The following TTC13 variants were observed in gnomAD, a reference collection of about 807,000 sequenced individuals.
TTC13 encodes the protein tetratricopeptide repeat domain 13, also known as tetratricopeptide repeat protein 13.
Under a neutral mutation model 120.0 loss-of-function variants are expected in TTC13, and 62 were observed. The observed-to-expected ratio is 0.52, with a 90% CI of 0.42 to 0.64. TTC13 has a LOEUF of 0.64. TTC13 is among the 30% of genes least tolerant of loss of function. The pLI, the probability that TTC13 is intolerant of heterozygous loss-of-function variation, is 0.00. For missense variants in TTC13, 824 were observed against 1,050.2 expected (o/e 0.78, Z 2.98); for synonymous variants, 384 against 393.5 (o/e 0.98, Z 0.28).
chr1:230,968,037 A>C (rs1170003886), intron 1 of TTC13, among the ~76,000 whole-genome samples: 1 of 152,178 alleles, frequency 6.6e-6, no homozygotes, highest in East Asian at 1.9e-4. Flanking sequence ...TTGCCTCTTA[A>C]GTTCTCATGG....
Position 230,958,442 on chromosome 1 carries a change from T to A in TTC13, c.367-143A>T, listed in dbSNP as rs1049801600. On this transcript the variant is annotated intron_variant, in intron 2 of 22. Coordinates refer to ENST00000366661, the MANE Select transcript of TTC13 (RefSeq NM_024525.5). ...CAAGAAAATGCCACTATTGTGGGAATGTTTTACACTTTATGGCTTTCAGTA... is the reference window on the plus strand; with the variant it reads ...CAAGAAAATGCCACTATTGTGGGAAAGTTTTACACTTTATGGCTTTCAGTA... 8.6e-6 allele frequency: 8 copies of A among 934,666 alleles called. 1 individual carries two copies. The African/African-American group carries it at 1.0e-4, about 12-fold the overall frequency. 57.9% of individuals were successfully genotyped at this position (934,666 alleles called of 1,614,324 possible).
At chr1:230,961,437 A>G (rs1311701266) in intron 1 of TTC13, 134 bp from the exon 2 acceptor site, 5 of 635,782 alleles carry the variant, frequency 7.9e-6, no homozygotes, top group Non-Finnish European at 1.1e-5. Flanking sequence ...AGTGGCAACC[A>G]GCTGGGCACA....
chr1:230,968,527 G>A (rs1293873795), intron 1 of TTC13, among the ~76,000 whole-genome samples: 4 of 152,014 alleles, frequency 2.6e-5, no homozygotes, highest in African/African-American at 9.7e-5. Flanking sequence ...AGCAGGAGGC[G>A]ACATCACTAA....
chr1:230,931,217 C>T lies in TTC13; in HGVS notation c.1300+81G>A, dbSNP rs1240797953. 1.3e-5 allele frequency: 19 copies of T among 1,464,276 alleles called. No homozygotes were observed. In the South Asian group the frequency reaches 1.7e-4, roughly 13 times the overall value. The allele number at this position is 1,464,276 out of a possible 1,614,324, so 90.7% of individuals were successfully genotyped here. A position where few individuals can be genotyped will look rare whatever the true frequency, so the allele number is the denominator to read the frequency against. ...CTCTTTCAGACTCCACTGTTTCATA[C>T]GAAACATAAAAGAGTCAAGCAATAT... On this transcript the variant is annotated intron_variant, in intron 11 of 22. Transcript: ENST00000366661.
At chr1:230,967,091 T>C (rs1677200755) in intron 1 of TTC13, among the ~76,000 whole-genome samples, 1 of 152,168 alleles carries the variant, frequency 6.6e-6, no homozygotes, top group Non-Finnish European at 1.5e-5. Flanking sequence ...TATTAATGTC[T>C]CCATTTAGTC....
intron 12 of TTC13, among the ~76,000 whole-genome samples, chr1:230,926,003 C>T (rs994122739): frequency 6.6e-6 from 1 of 152,158 alleles, no homozygotes; most frequent in Non-Finnish European, 1.5e-5. Flanking sequence ...TTTGTCCACT[C>T]CTCAACCCTG....
chr1:230,971,345 C>CAAAAAA (rs11453211), intron 1 of TTC13, among the ~76,000 whole-genome samples: 3 of 80,804 alleles, frequency 3.7e-5, no homozygotes, highest in South Asian at 6.1e-4. Flanking sequence ...GACTCCATCT[C>CAAAAAA]AAAAAAAAAA....
chr1:230,915,471 A>G (rs1671925996), intron 18 of TTC13, among the ~76,000 whole-genome samples: 1 of 152,232 alleles, frequency 6.6e-6, no homozygotes, highest in East Asian at 1.9e-4. Flanking sequence ...GTTAATAAAA[A>G]TGTTTACTGC....
In TTC13 at chr1:230,933,811, A is replaced by T; in HGVS notation, c.951T>A (p.Ile317=). Residue 317 remains isoleucine (I), a synonymous_variant, in exon 9 of 23, where the codon ATT becomes ATA. Coordinates refer to ENST00000366661, the MANE Select transcript of TTC13 (RefSeq NM_024525.5). ...KEALKQKVDF[I]DAYKSLGQAY... ...CCTGCCCTAGACTTTTATATGCATCAATAAAGTCAACTTTCTGCTTCAAAG... is the reference window on the plus strand; with the variant it reads ...CCTGCCCTAGACTTTTATATGCATCTATAAAGTCAACTTTCTGCTTCAAAG... 1 of 1,610,184 alleles carries T rather than the reference A, an allele frequency of 6.2e-7. No individual in the cohort carries two copies. The highest frequency in any genetic ancestry group is 1.3e-5 in the African/African-American group (1 of 74,922).
rs746162161 is a variant in TTC13 at position 230,912,614 on chromosome 1, G to A, written c.2229+9C>T. On this transcript the variant is annotated intron_variant, in intron 19 of 22. Coordinates refer to ENST00000366661, the MANE Select transcript of TTC13 (RefSeq NM_024525.5). ...AAGAGCAGAAAAATGGAAACAAAGA[G>A]AAACCTACCCCAAATTCTGATGAAA... is the stretch of plus-strand genomic sequence containing the variant. The A allele has an allele frequency of 3.7e-6, 6 of 1,608,052 alleles. No individual in the cohort carries two copies. The highest frequency in any genetic ancestry group is 2.2e-5 in the East Asian group (1 of 44,676).
intron 4 of TTC13, among the ~76,000 whole-genome samples, chr1:230,949,502 T>C (rs1257813742): frequency 6.6e-6 from 1 of 150,454 alleles, no homozygotes; most frequent in Non-Finnish European, 1.5e-5. Flanking sequence ...ACTGCAGGAT[T>C]GGATGTGTGC....
At chr1:230,961,144 C>T in intron 2 of TTC13, 65 bp downstream of exon 2, 1 of 1,349,718 alleles carries the variant, frequency 7.4e-7, no homozygotes, top group Non-Finnish European at 1.0e-6. Flanking sequence ...GCGACTTCCA[C>T]TTTTTGGAAC....
intron 4 of TTC13, among the ~76,000 whole-genome samples, chr1:230,949,117 T>C (rs2095768): frequency 0.97 from 147,743 of 152,134 alleles, 71,768 homozygotes; most frequent in East Asian, 1. Flanking sequence ...CCATGCAAAG[T>C]CATGCTATTC....
At chr1:230,935,224 C>T (rs1008654997) in intron 8 of TTC13, among the ~76,000 whole-genome samples, 7 of 152,166 alleles carry the variant, frequency 4.6e-5, no homozygotes, top group African/African-American at 7.2e-5. Context: ...ATATATTGAG[C>T]GCCTACTATG....
intron 2 of TTC13, among the ~76,000 whole-genome samples, chr1:230,959,850 C>G (rs1361742508): frequency 6.6e-6 from 1 of 152,270 alleles, no homozygotes; most frequent in African/African-American, 2.4e-5. Context: ...CCTGCTTACA[C>G]TTCAGTTCCT....
Position 230,921,413 on chromosome 1 carries a change from A to C in TTC13, c.1898+8T>G. The C allele has an allele frequency of 1.4e-6, 2 of 1,395,530 alleles. No individual in the cohort carries two copies. The highest frequency in any genetic ancestry group is 2.0e-6 in the Non-Finnish European group (2 of 1,005,528). The allele number at this position is 1,395,530 out of a possible 1,614,324, so 86.4% of individuals were successfully genotyped here. On this transcript the variant is annotated splice_region_variant and intron_variant, in intron 16 of 22. Transcript: ENST00000366661. ...TCATTACTAAGAAGGAGAAAATTAA[A>C]GGCTTACCCATGATAAACAAGAATT...
chr1:230,933,096 C>A (rs1000409392), intron 9 of TTC13, among the ~76,000 whole-genome samples: 1 of 152,104 alleles, frequency 6.6e-6, no homozygotes, highest in African/African-American at 2.4e-5. Flanking sequence ...CCTCAGCCTC[C>A]CAAGTAGTTG....
intron 1 of TTC13, among the ~76,000 whole-genome samples, chr1:230,962,920 C>T (rs1187322668): frequency 6.6e-6 from 1 of 152,008 alleles, no homozygotes; most frequent in South Asian, 2.1e-4. Flanking sequence ...TTGGTGATTG[C>T]CGGGGATAGG....
At chr1:230,931,706 A>T in intron 10 of TTC13, 30 bp downstream of exon 10, 1 of 1,610,782 alleles carries the variant, frequency 6.2e-7, no homozygotes, top group Non-Finnish European at 8.5e-7. Flanking sequence ...AGTAATTCCA[A>T]TTACAGTGTT....
Sources: allele counts gnomAD v4.1 joint callset (sites outside exome capture counted in the v4.1 genomes callset), GRCh38; gene constraint gnomAD v4.1.1; transcripts MANE v1.5; gene names NCBI Gene and HGNC (gene_info 2026-07-23, HGNC 2026-07-21).